GATA4: variants seen among roughly 807,000 people sequenced by gnomAD.
The protein encoded by GATA4 is transcription factor GATA-4.
GATA4 carries 7 observed loss-of-function variants against 37.9 expected under a neutral mutation model. The ratio of observed to expected loss-of-function variants is 0.18; its 90% confidence interval spans 0.11 to 0.35. The LOEUF is 0.35. GATA4 is among the 10% of genes least tolerant of loss of function. GATA4 has a pLI of 1.00. For synonymous variants in GATA4, 372 were observed against 292.6 expected (o/e 1.27, Z -2.77); for missense variants, 647 against 653.0 (o/e 0.99, Z 0.10).
intron 1 of GATA4, chr8:11,682,947 G>A (rs1376892062): frequency 4.0e-6 from 2 of 495,616 alleles, no homozygotes; most frequent in African/African-American, 4.2e-5. Context: ...GACCTGCTTT[G>A]TTAAATGCTA....
chr8:11,680,728 C>A (rs1798938861), intron 1 of GATA4: 4 of 985,214 alleles, frequency 4.1e-6, no homozygotes, highest in South Asian at 4.7e-5. Flanking sequence ...CACGGATACC[C>A]TGGGCGGCGA....
chr8:11,724,511 C>A (rs1302810597), intron 2 of GATA4, among the ~76,000 whole-genome samples: 2 of 152,198 alleles, frequency 1.3e-5, no homozygotes, highest in African/African-American at 2.4e-5. Flanking sequence ...GTCATAACAT[C>A]CTCATCTCTG....
rs113318174 is a variant in GATA4 at position 11,748,626 on chromosome 8, T to G, written c.617-290T>G. Among the ~76,000 whole-genome samples the G allele has an allele frequency of 0.01, 1,536 of 152,272 alleles. 35 individuals carry two copies. The highest frequency in any genetic ancestry group is 0.035 in the African/African-American group (1,439 of 41,550). ...AGGTGAGAGGCCTAGGGCTGGAGGC[T>G]CTGAATGTGATACCTGCACTGAAAT... is the stretch of plus-strand genomic sequence containing the variant. On this transcript the variant is annotated intron_variant, in intron 2 of 6. Coordinates refer to ENST00000532059, the MANE Select transcript of GATA4 (RefSeq NM_001308093.3).
chr8:11,713,246 C>T (rs746644467), intron 2 of GATA4, among the ~76,000 whole-genome samples: 6 of 152,166 alleles, frequency 3.9e-5, no homozygotes, highest in Non-Finnish European at 5.9e-5. Context: ...TAATTCACTC[C>T]AAGTTCCATA....
At position 11,758,376 on chromosome 8, in the gene GATA4, T is replaced by C; in HGVS notation, c.1233T>C (p.Tyr411=). Residue 411 remains tyrosine (Y), a synonymous_variant, in exon 7 of 7, where the codon TAT becomes TAC. Coordinates refer to ENST00000532059, the MANE Select transcript of GATA4 (RefSeq NM_001308093.3). ...LSALKLSPQG[Y]ASPVSQSPQT... is the part of the protein sequence containing the mutation. ...CCCTGAAGCTCTCCCCACAAGGCTA[T>C]GCGTCTCCCGTCAGCCAGTCTCCAC... 4 of 1,614,198 alleles carry C rather than the reference T, an allele frequency of 2.5e-6. No individual in the cohort carries two copies. Among genetic ancestry groups the C allele is most frequent in the Non-Finnish European group, 3.4e-6 (4 of 1,180,018 alleles).
intron 2 of GATA4, among the ~76,000 whole-genome samples, chr8:11,742,751 A>G (rs560689496): frequency 2.0e-5 from 3 of 152,372 alleles, no homozygotes; most frequent in South Asian, 2.1e-4. Flanking sequence ...GGAAAACCTC[A>G]GGCTTTGTTT....
At chr8:11,677,550 G>A (rs1245925108) in intron 1 of GATA4, among the ~76,000 whole-genome samples, 1 of 152,196 alleles carries the variant, frequency 6.6e-6, no homozygotes, top group Non-Finnish European at 1.5e-5. Context: ...GTCCCCCGCA[G>A]CCCTTGGTGT....
At chr8:11,701,158 T>C (rs1799661456), upstream of GATA4, among the ~76,000 whole-genome samples, 1 of 151,952 alleles carries the variant, frequency 6.6e-6, no homozygotes, top group Admixed American at 6.6e-5. Flanking sequence ...TGGAGATATT[T>C]TTTAAAAGAG....
rs932711980 is a variant in GATA4, at chr8:11,759,928, C to T, written c.*1453C>T. 2 of 152,664 alleles carry T rather than the reference C, an allele frequency of 1.3e-5. No homozygotes were observed. Among genetic ancestry groups the T allele is most frequent in the Non-Finnish European group, 2.9e-5 (2 of 68,046 alleles). 9.5% of individuals were successfully genotyped at this position (152,664 alleles called of 1,614,324 possible). Reference sequence around the variant, plus strand: ...CGTATACCCTCCCTAACCCACAAACCTGTTAACATTGTCTTAAGGTGAAAT... The same window carrying T: ...CGTATACCCTCCCTAACCCACAAACTTGTTAACATTGTCTTAAGGTGAAAT... On this transcript the variant is annotated 3_prime_UTR_variant, in exon 7 of 7. Coordinates refer to ENST00000532059, the MANE Select transcript of GATA4 (RefSeq NM_001308093.3).
chr8:11,753,833 T>C (rs1802422617), intron 4 of GATA4, among the ~76,000 whole-genome samples: 1 of 152,192 alleles, frequency 6.6e-6, no homozygotes, highest in South Asian at 2.1e-4. Context: ...GTGGCCTTTA[T>C]CAATCCCACA....
Position 11,708,078 on chromosome 8 carries a change from CA to C in GATA4, c.-230del, listed in dbSNP as rs1048165442. 1.6e-6 allele frequency: 1 copy of C among 611,510 alleles called. No individual in the cohort carries two copies. The highest frequency in any genetic ancestry group is 2.9e-6 in the Non-Finnish European group (1 of 340,040). 37.9% of individuals were successfully genotyped at this position (611,510 alleles called of 1,614,324 possible). A position where few individuals can be genotyped will look rare whatever the true frequency, so the allele number is the denominator to read the frequency against. On this transcript the variant is annotated 5_prime_UTR_variant, in exon 2 of 7. Coordinates refer to ENST00000532059, the MANE Select transcript of GATA4 (RefSeq NM_001308093.3). The surrounding 1 kb of genome is among the most constrained non-coding windows in gnomAD (Gnocchi z 6.7). ...CTCCTACATCAGCTTCCGGAACCAC[CA>C]AAAATTCAAATTGGGATTTTCCGGA...
At position 11,709,528 on chromosome 8, in the gene GATA4, T is replaced by C. The variant is rs536601863; in HGVS notation, c.616+600T>C. Among the ~76,000 whole-genome samples, 8 of 133,232 alleles carry C rather than the reference T, an allele frequency of 6.0e-5. 1 individual carries two copies. Among genetic ancestry groups the C allele is most frequent in the East Asian group, 2.6e-4 (1 of 3,784 alleles). 87.4% of individuals were successfully genotyped at this position (133,232 alleles called of 152,430 possible). ...AGATGCGCGGAACAGGAGCCGGCAC[T>C]GTGCGGGTGCCACCCGGCCGAGCGC... is the stretch of plus-strand genomic sequence containing the variant. On this transcript the variant is annotated intron_variant, in intron 2 of 6. Transcript: ENST00000532059. This position sits in a 1 kb window ranked among gnomAD's most constrained non-coding sequence, Gnocchi z 4.3.
rs545927604 is a variant in GATA4 at position 11,735,097 on chromosome 8, G to A, written c.617-13819G>A. On this transcript the variant is annotated intron_variant, in intron 2 of 6. Transcript: ENST00000532059. ...TGTGGGTTACACAGAGGCATCTACT[G>A]TATCTGCAATGTTGTATTTCTTTAA... Among the ~76,000 whole-genome samples, 11 of 152,094 alleles carry A rather than the reference G, an allele frequency of 7.2e-5. No homozygotes were observed. The East Asian group carries it at 7.7e-4, about 11-fold the overall frequency.
At chr8:11,695,231 C>T (rs1000684694) in intron 1 of GATA4, among the ~76,000 whole-genome samples, 1 of 152,016 alleles carries the variant, frequency 6.6e-6, no homozygotes, top group Admixed American at 6.6e-5. Flanking sequence ...CATGGAGAAA[C>T]CCCGTCTCTA....
chr8:11,688,014 T>A (rs1238614845), upstream of GATA4, among the ~76,000 whole-genome samples: 2 of 152,188 alleles, frequency 1.3e-5, no homozygotes, highest in Non-Finnish European at 2.9e-5. Flanking sequence ...TTTAAGCAGG[T>A]TAATAAGTAT....
At chr8:11,687,330 C>T (rs528998792) in intron 1 of GATA4, among the ~76,000 whole-genome samples, 2 of 152,240 alleles carry the variant, frequency 1.3e-5, no homozygotes, top group Admixed American at 1.3e-4. Context: ...ACCCTCCCCC[C>T]GCAGAGAATT....
chr8:11,694,663 T>A (rs1275658295), intron 1 of GATA4: 1 of 294,396 alleles, frequency 3.4e-6, no homozygotes, highest in Non-Finnish European at 5.0e-6. Context: ...GTTGTTTTCT[T>A]AGTGTTGGTG....
chr8:11,714,644 C>G (rs1210209012), intron 2 of GATA4, among the ~76,000 whole-genome samples: 2 of 152,204 alleles, frequency 1.3e-5, no homozygotes, highest in East Asian at 3.8e-4. Flanking sequence ...GTCACTACCT[C>G]TAGTGAGCCC....
chr8:11,680,347 G>A (rs11783999), intron 1 of GATA4, among the ~76,000 whole-genome samples: 5 of 152,334 alleles, frequency 3.3e-5, no homozygotes, highest in Admixed American at 2.6e-4. Context: ...CCCTGGAGCC[G>A]GGGAATCTCT....
Sources: gnomAD v4.1 joint callset for allele counts (sites outside exome capture counted in the v4.1 genomes callset) on GRCh38, gnomAD v4.1.1 for gene constraint, Gnocchi (gnomAD v3.1) non-coding constraint, MANE v1.5 for transcripts, NCBI Gene and HGNC (gene_info 2026-07-23, HGNC 2026-07-21) for gene names.